The following ARHGEF9 variants were observed in gnomAD, a reference collection of about 807,000 sequenced individuals.
The protein encoded by ARHGEF9 is Cdc42 guanine nucleotide exchange factor 9.
ARHGEF9 carries 2 observed loss-of-function variants against 41.3 expected under a neutral mutation model. That is an observed-to-expected ratio of 0.05 (90% confidence interval 0.02 to 0.15). The LOEUF is 0.15. Among genes scored for constraint, ARHGEF9 ranks in the 10% least tolerant of loss-of-function variants. ARHGEF9 has a pLI of 1.00. For synonymous variants in ARHGEF9, 160 were observed against 154.4 expected (o/e 1.04, Z -0.27); for missense variants, 225 against 424.7 (o/e 0.53, Z 4.13).
At chrX:63,748,217 T>G (rs1241656511) in intron 1 of ARHGEF9, among the ~76,000 whole-genome samples, 1 of 112,022 alleles carries the variant, frequency 8.9e-6, no homozygotes, top group Non-Finnish European at 1.9e-5. Flanking sequence ...GGGGCTCTGG[T>G]GAGGTGACAG....
intron 1 of ARHGEF9, among the ~76,000 whole-genome samples, chrX:63,744,004 G>A (rs147892522): frequency 2.1e-3 from 238 of 112,129 alleles, no homozygotes; most frequent in Middle Eastern, 9.2e-3. Flanking sequence ...TTCTTCCAAG[G>A]GAGAGAAGTA....
Position 63,767,094 on chromosome X carries a change from G to A in ARHGEF9, c.30+18022C>T. On this transcript the variant is annotated intron_variant, in intron 1 of 9. Coordinates refer to ENST00000671741, the MANE Select transcript of ARHGEF9 (RefSeq NM_001353921.2). ...CCACTTTAACAACCCTAAAGTTTAG[G>A]CATCTCTAGCAGTGAACACTTTCAC... 7 of 997,532 alleles carry A rather than the reference G, an allele frequency of 7.0e-6. No individual in the cohort carries two copies. In the South Asian group the frequency reaches 9.6e-5, roughly 14 times the overall value. The allele number at this position is 997,532 out of a possible 1,213,427, so 82.2% of individuals were successfully genotyped here.
chrX:63,650,121 G>C (rs1162987224), intron 8 of ARHGEF9, among the ~76,000 whole-genome samples: 1 of 111,154 alleles, frequency 9.0e-6, no homozygotes, highest in African/African-American at 3.3e-5. Flanking sequence ...CAGTAGAAAA[G>C]TTCCTAAAAA....
rs2047302989 is a variant in ARHGEF9 at position 63,636,096 on chromosome X, A to T, written c.*1932T>A. 1 of 112,269 alleles carries T rather than the reference A, an allele frequency of 8.9e-6. No homozygotes were observed. Among genetic ancestry groups the T allele is most frequent in the African/African-American group, 3.2e-5 (1 of 30,858 alleles). The allele number at this position is 112,269 out of a possible 1,213,427, so 9.3% of individuals were successfully genotyped here. A position where few individuals can be genotyped will look rare whatever the true frequency, so the allele number is the denominator to read the frequency against. On this transcript the variant is annotated 3_prime_UTR_variant, in exon 10 of 10. Transcript: ENST00000671741. ...GTAATTTGATTCCCACAAAGAAAAG[A>T]TTCCCAGGCTGGGCAATGCCTGGTC...
intron 1 of ARHGEF9, among the ~76,000 whole-genome samples, chrX:63,737,977 C>T (rs1252191616): frequency 8.9e-6 from 1 of 111,856 alleles, no homozygotes; most frequent in Non-Finnish European, 1.9e-5. Flanking sequence ...TAAGTTTTTA[C>T]ATATAATAAC....
intron 1 of ARHGEF9, among the ~76,000 whole-genome samples, chrX:63,775,556 A>G (rs1475658127): frequency 8.9e-6 from 1 of 112,010 alleles, no homozygotes; most frequent in Non-Finnish European, 1.9e-5. Context: ...CATTATCCTA[A>G]GCGAATTAAC....
At chrX:63,771,665 C>T (rs2056207013) in intron 1 of ARHGEF9, among the ~76,000 whole-genome samples, 1 of 110,378 alleles carries the variant, frequency 9.1e-6, no homozygotes, top group African/African-American at 3.3e-5. Context: ...CTCCTAGGTT[C>T]AAGTGATTCT....
chrX:63,711,643 C>A (rs2052938526), intron 2 of ARHGEF9, among the ~76,000 whole-genome samples: 1 of 111,779 alleles, frequency 8.9e-6, no homozygotes, highest in Admixed American at 9.5e-5. Context: ...ACACTATACA[C>A]AAAAATTAAA....
chrX:63,680,993 G>A (rs1556368620), intron 4 of ARHGEF9, among the ~76,000 whole-genome samples: 1 of 110,908 alleles, frequency 9.0e-6, no homozygotes, highest in East Asian at 2.8e-4. Context: ...CAGTGGGAAG[G>A]GGTGATGTAG....
Position 63,714,776 on chromosome X carries a change from T to C in ARHGEF9, c.211-8327A>G, listed in dbSNP as rs782098630. On this transcript the variant is annotated intron_variant, in intron 2 of 9. Transcript: ENST00000671741. ...GCTGTTCTTGTTATTATCCCCTAGG[T>C]TGGCATCATCTGCCCCTAGAACAAT... is the stretch of plus-strand genomic sequence containing the variant. Among the ~76,000 whole-genome samples, 5 of 112,203 alleles carry C rather than the reference T, an allele frequency of 4.5e-5. No homozygotes were observed. The East Asian group carries it at 1.1e-3, about 25-fold the overall frequency.
intron 1 of ARHGEF9, among the ~76,000 whole-genome samples, chrX:63,743,625 AC>A (rs781812891): frequency 2.1e-4 from 24 of 112,535 alleles, no homozygotes; most frequent in African/African-American, 6.4e-4. Flanking sequence ...AATTTCTAAA[AC>A]AGTTTTTGAT....
At chrX:63,732,925 C>T (rs782552528) in intron 1 of ARHGEF9, among the ~76,000 whole-genome samples, 19 of 111,695 alleles carry the variant, frequency 1.7e-4, no homozygotes, top group African/African-American at 5.5e-4. Flanking sequence ...TGATTGTGGC[C>T]GACCTACTCC....
intron 1 of ARHGEF9, among the ~76,000 whole-genome samples, chrX:63,762,046 G>T (rs782257643): frequency 9.0e-6 from 1 of 111,593 alleles, no homozygotes; most frequent in East Asian, 2.8e-4. Flanking sequence ...GTTCAAGACT[G>T]TGGTGGGGAG....
At chrX:63,761,528 G>T (rs2056033940) in intron 1 of ARHGEF9, among the ~76,000 whole-genome samples, 1 of 111,622 alleles carries the variant, frequency 9.0e-6, no homozygotes, top group Admixed American at 9.5e-5. Flanking sequence ...AGGAAGTCTT[G>T]TTATGGAAAG....
intron 4 of ARHGEF9, among the ~76,000 whole-genome samples, chrX:63,680,589 G>A (rs1364831639): frequency 8.9e-6 from 1 of 112,412 alleles, no homozygotes; most frequent in Admixed American, 9.4e-5. Flanking sequence ...AGCAGGAGTC[G>A]CAGTGATCTG....
At chrX:63,645,359 C>T (rs1602188846) in intron 8 of ARHGEF9, among the ~76,000 whole-genome samples, 1 of 110,665 alleles carries the variant, frequency 9.0e-6, no homozygotes, top group African/African-American at 3.3e-5. Flanking sequence ...GGTATATCTC[C>T]TAATGCTTTC....
intron 1 of ARHGEF9, among the ~76,000 whole-genome samples, chrX:63,784,734 A>C (rs782392661): frequency 9.3e-6 from 1 of 107,716 alleles, no homozygotes; most frequent in Admixed American, 9.8e-5. Flanking sequence ...CCCTCCCCCC[A>C]CAACCCCGTG....
intron 2 of ARHGEF9, chrX:63,719,789 T>G: frequency 3.4e-6 from 1 of 295,966 alleles, no homozygotes; most frequent in Non-Finnish European, 5.9e-6. Flanking sequence ...CATTTTGACC[T>G]TTTTGGCACT....
intron 2 of ARHGEF9, among the ~76,000 whole-genome samples, chrX:63,709,991 T>C (rs2052806597): frequency 1.8e-5 from 2 of 110,431 alleles, no homozygotes; most frequent in Admixed American, 9.7e-5. Flanking sequence ...TTTTTAAAAT[T>C]ATACATTATA....
Sources: gnomAD v4.1 joint callset for allele counts (sites outside exome capture counted in the v4.1 genomes callset) on GRCh38, gnomAD v4.1.1 for gene constraint, MANE v1.5 for transcripts, NCBI Gene and HGNC (gene_info 2026-07-23, HGNC 2026-07-21) for gene names.